MACROD2: variants seen among roughly 807,000 people sequenced by gnomAD.
The protein encoded by MACROD2 is mono-ADP ribosylhydrolase 2.
A neutral mutation model predicts 70.4 loss-of-function variants in MACROD2; 36 were observed. The observed-to-expected ratio is 0.51, with a 90% confidence interval of 0.39 to 0.68. The LOEUF is 0.68. Among genes scored for constraint, MACROD2 ranks in the 30% least tolerant of loss-of-function variants. The pLI, the probability that MACROD2 is intolerant of heterozygous loss-of-function variation, is 0.00. For missense variants in MACROD2, 496 were observed against 538.4 expected (o/e 0.92, Z 0.78); for synonymous variants, 172 against 178.8 (o/e 0.96, Z 0.30).
At chr20:14,877,205 T>G (rs2073560698) in intron 5 of MACROD2, among the ~76,000 whole-genome samples, 2 of 152,122 alleles carry the variant, frequency 1.3e-5, no homozygotes, top group African/African-American at 4.8e-5. Context: ...TATTTTATTT[T>G]TCAGGTGGCT....
intron 6 of MACROD2, among the ~76,000 whole-genome samples, chr20:15,395,475 C>A (rs754806249): frequency 2.0e-5 from 3 of 152,100 alleles, no homozygotes; most frequent in Non-Finnish European, 4.4e-5. Context: ...CAGGCTTTAT[C>A]TGTAAAGGGC....
At chr20:14,687,331 G>A (rs1438265241) in intron 5 of MACROD2, among the ~76,000 whole-genome samples, 1 of 152,176 alleles carries the variant, frequency 6.6e-6, no homozygotes, top group Non-Finnish European at 1.5e-5. Context: ...AATGGTGGCT[G>A]TAGTGTATGG....
chr20:14,672,382 C>A (rs1252316245), intron 4 of MACROD2, among the ~76,000 whole-genome samples: 1 of 152,160 alleles, frequency 6.6e-6, no homozygotes, highest in Admixed American at 6.5e-5. Flanking sequence ...CCTCTTGAGA[C>A]TTAGGACGAG....
At chr20:15,832,304 G>T (rs2064065233) in intron 8 of MACROD2, among the ~76,000 whole-genome samples, 1 of 152,140 alleles carries the variant, frequency 6.6e-6, no homozygotes, top group African/African-American at 2.4e-5. Flanking sequence ...TCCTCTTTGG[G>T]GATACTGTGA....
At chr20:14,613,896 T>C (rs1026099429) in intron 4 of MACROD2, among the ~76,000 whole-genome samples, 1 of 152,156 alleles carries the variant, frequency 6.6e-6, no homozygotes, top group Non-Finnish European at 1.5e-5. Context: ...AAACCCATCG[T>C]TATTCTAAGT....
chr20:15,425,593 A>G (rs2046286857), intron 6 of MACROD2, among the ~76,000 whole-genome samples: 1 of 152,212 alleles, frequency 6.6e-6, no homozygotes, highest in African/African-American at 2.4e-5. Flanking sequence ...CAATTGAAAA[A>G]TTCTAGAGGT....
intron 8 of MACROD2, among the ~76,000 whole-genome samples, chr20:15,658,406 G>A (rs948241091): frequency 3.9e-5 from 6 of 152,120 alleles, no homozygotes; most frequent in Non-Finnish European, 7.4e-5. Context: ...CTGGCTGTGA[G>A]TTGGAATCAT....
chr20:15,460,989 TATATATATATATA>T (rs1319623269), intron 7 of MACROD2, among the ~76,000 whole-genome samples: 1 of 79,602 alleles, frequency 1.3e-5, no homozygotes, highest in Non-Finnish European at 2.7e-5. Flanking sequence ...TATATATATA[TATATATATATATA>T]TATATTTTTT....
intron 4 of MACROD2, among the ~76,000 whole-genome samples, chr20:14,498,790 G>A (rs920326851): frequency 6.6e-6 from 1 of 152,168 alleles, no homozygotes; most frequent in African/African-American, 2.4e-5. Flanking sequence ...TTTGTCTTAA[G>A]CATTCACAAG....
At chr20:14,299,146 G>T (rs1371271781) in intron 3 of MACROD2, among the ~76,000 whole-genome samples, 1 of 152,148 alleles carries the variant, frequency 6.6e-6, no homozygotes, top group Non-Finnish European at 1.5e-5. Flanking sequence ...TCTGTGAAAG[G>T]AGGAGTCAAT....
At chr20:15,229,158 TA>T (rs1284651303) in intron 5 of MACROD2, among the ~76,000 whole-genome samples, 1 of 152,184 alleles carries the variant, frequency 6.6e-6, no homozygotes, top group African/African-American at 2.4e-5. Flanking sequence ...TTCCTAAAAT[TA>T]AAAGTTTACG....
chr20:15,758,658 G>T (rs1420645951), intron 8 of MACROD2, among the ~76,000 whole-genome samples: 1 of 151,568 alleles, frequency 6.6e-6, no homozygotes, highest in Admixed American at 6.6e-5. Flanking sequence ...TTCTTCCTCA[G>T]CCTCCTGAGT....
At position 14,361,921 on chromosome 20, in the gene MACROD2, T is replaced by A. The variant is rs538130975; in HGVS notation, c.272-131558T>A. On this transcript the variant is annotated intron_variant, in intron 3 of 17. Coordinates refer to ENST00000684519, the MANE Select transcript of MACROD2 (RefSeq NM_001351661.2). Reference sequence around the variant, plus strand: ...CACCTTAACCTTTTAATTTTCTTTGTCTGTGCCCAGCACAAGTTTACTTTC... The same window carrying A: ...CACCTTAACCTTTTAATTTTCTTTGACTGTGCCCAGCACAAGTTTACTTTC... Among the ~76,000 whole-genome samples the A allele has an allele frequency of 9.2e-5, 14 of 152,386 alleles. No individual in the cohort carries two copies. The South Asian group carries it at 2.5e-3, about 27-fold the overall frequency.
rs2071746742 is a variant in MACROD2, at chr20:14,742,669, A to G, written c.418+57710A>G. Among the ~76,000 whole-genome samples the G allele has an allele frequency of 2.6e-5, 4 of 152,008 alleles. No homozygotes were observed. The South Asian group carries it at 8.3e-4, about 32-fold the overall frequency. ...CCTATGCTAAGGTTCCTAGCCCTGG[A>G]CACTAATTCTAGGAAAAATATTGAA... On this transcript the variant is annotated intron_variant, in intron 5 of 17. Transcript: ENST00000684519.
chr20:15,861,832 C>A (rs1402097262), intron 8 of MACROD2, among the ~76,000 whole-genome samples: 1 of 152,162 alleles, frequency 6.6e-6, no homozygotes, highest in Non-Finnish European at 1.5e-5. Flanking sequence ...CATGTGTACA[C>A]CCACTTCCAT....
chr20:15,669,560 G>A (rs2049950112), intron 8 of MACROD2, among the ~76,000 whole-genome samples: 1 of 152,094 alleles, frequency 6.6e-6, no homozygotes, highest in South Asian at 2.1e-4. Context: ...ATTAATCCAA[G>A]TAAAAATATG....
At chr20:14,375,704 T>G (rs900740943) in intron 3 of MACROD2, among the ~76,000 whole-genome samples, 3 of 152,158 alleles carry the variant, frequency 2.0e-5, no homozygotes, top group Non-Finnish European at 4.4e-5. Flanking sequence ...TTCATGTGAA[T>G]GAATGGATTG....
At chr20:15,233,410 A>G (rs2076976367) in intron 6 of MACROD2, among the ~76,000 whole-genome samples, 1 of 152,124 alleles carries the variant, frequency 6.6e-6, no homozygotes, top group South Asian at 2.1e-4. Flanking sequence ...TAGGGTATAA[A>G]TAAATTTCAC....
chr20:14,186,849 A>G (rs2081348788), intron 3 of MACROD2, among the ~76,000 whole-genome samples: 1 of 152,174 alleles, frequency 6.6e-6, no homozygotes, highest in African/African-American at 2.4e-5. Context: ...ACAGAAATAG[A>G]AAACAAAATA....
Sources: allele counts gnomAD v4.1 joint callset (sites outside exome capture counted in the v4.1 genomes callset), GRCh38; gene constraint gnomAD v4.1.1; transcripts MANE v1.5; gene names NCBI Gene and HGNC (gene_info 2026-07-23, HGNC 2026-07-21).